KCNB2: variants seen among roughly 807,000 people sequenced by gnomAD.
KCNB2 encodes delayed rectifier potassium channel protein.
In KCNB2, 15 loss-of-function variants were observed where a neutral mutation model predicts 61.5. The ratio of observed to expected loss-of-function variants is 0.24; its 90% CI spans 0.16 to 0.38. The LOEUF (loss-of-function observed/expected upper bound fraction) is 0.38. Ranked by LOEUF, KCNB2 falls within the 10% of genes least tolerant of loss-of-function variation. The probability of loss-of-function intolerance (pLI) is 1.00; values close to 1 mark genes in which losing one functional copy is unlikely to be tolerated. For missense variants in KCNB2, 828 were observed against 1,125.2 expected, an observed-to-expected ratio of 0.74 and a Z score of 3.78; for synonymous variants, 457 against 446.0, an observed-to-expected ratio of 1.02 and a Z score of -0.31.
At chr8:72,797,059 G>GTTATA (rs1157028914) in intron 2 of KCNB2, among the ~76,000 whole-genome samples, 3 of 152,054 alleles carry the variant, frequency 2.0e-5, no homozygotes, top group Non-Finnish European at 4.4e-5. Flanking sequence ...ACCTCTCCAG[G>GTTATA]TCAATAACGA....
rs58157589 is a variant in KCNB2, at chr8:72,714,558, T to C, written c.579+146245T>C. On this transcript the variant is annotated intron_variant, in intron 2 of 2. Coordinates refer to ENST00000523207, the MANE Select transcript of KCNB2 (RefSeq NM_004770.3). ...ACCCAGAATTTCATATCCAGCCAAA[T>C]TAAGCTTCATAAGTGAAGGAGAAAT... Among the ~76,000 whole-genome samples the C allele has an allele frequency of 2.1e-3, 315 of 152,068 alleles. 1 individual carries two copies. Among genetic ancestry groups the C allele is most frequent in the African/African-American group, 7.2e-3 (299 of 41,468 alleles).
intron 2 of KCNB2, among the ~76,000 whole-genome samples, chr8:72,631,255 A>C (rs948591661): frequency 3.2e-4 from 49 of 152,286 alleles, no homozygotes; most frequent in Admixed American, 8.5e-4. Context: ...TAAGAGCCTT[A>C]AGCAACAGAA....
chr8:72,689,937 G>A lies in KCNB2; in HGVS notation c.579+121624G>A, dbSNP rs1383217896. On this transcript the variant is annotated intron_variant, in intron 2 of 2. Coordinates refer to ENST00000523207, the MANE Select transcript of KCNB2 (RefSeq NM_004770.3). ...TATTTTACATTCGGTGACTAGACTG[G>A]GGCCTAATTTCTTTTATTTGTGATG... Among the ~76,000 whole-genome samples the A allele has an allele frequency of 5.3e-4, 80 of 151,700 alleles. 1 individual carries two copies. The highest frequency in any genetic ancestry group is 1.0e-4 in the Non-Finnish European group (7 of 67,974).
At chr8:72,870,894 T>C (rs1312086296) in intron 2 of KCNB2, among the ~76,000 whole-genome samples, 1 of 152,162 alleles carries the variant, frequency 6.6e-6, no homozygotes, top group East Asian at 1.9e-4. Flanking sequence ...AGAGGATCAC[T>C]TGAGCCTGGA....
chr8:72,843,818 G>T (rs900441459), intron 2 of KCNB2, among the ~76,000 whole-genome samples: 2 of 151,986 alleles, frequency 1.3e-5, no homozygotes, highest in Middle Eastern at 3.2e-3. Flanking sequence ...TTTATTTTGA[G>T]CCTATGTATG....
At chr8:72,858,484 C>T (rs1810242275) in intron 2 of KCNB2, among the ~76,000 whole-genome samples, 1 of 152,158 alleles carries the variant, frequency 6.6e-6, no homozygotes, top group South Asian at 2.1e-4. Context: ...TAATGTACAA[C>T]TTAGCCATTT....
intron 2 of KCNB2, among the ~76,000 whole-genome samples, chr8:72,829,539 G>A (rs772607217): frequency 3.3e-5 from 5 of 152,110 alleles, no homozygotes; most frequent in South Asian, 2.1e-4. Flanking sequence ...ATATTTTCTC[G>A]TAAGTTCTCA....
Position 72,644,759 on chromosome 8 carries a change from C to T in KCNB2, c.579+76446C>T, listed in dbSNP as rs186542572. 8.5e-5 allele frequency among the ~76,000 whole-genome samples: 13 copies of T among 152,260 alleles called. No individual in the cohort carries two copies. In the East Asian group the frequency reaches 2.3e-3, roughly 27 times the overall value. ...CCTGTGCCAGGTAGTTACTGAACTG[C>T]TCATGTACTTTATCTCATTTAGTCC... is the stretch of plus-strand genomic sequence containing the variant. On this transcript the variant is annotated intron_variant, in intron 2 of 2. Coordinates refer to ENST00000523207, the MANE Select transcript of KCNB2 (RefSeq NM_004770.3).
At chr8:72,686,556 A>C (rs1806856830) in intron 2 of KCNB2, among the ~76,000 whole-genome samples, 1 of 152,148 alleles carries the variant, frequency 6.6e-6, no homozygotes, top group African/African-American at 2.4e-5. Flanking sequence ...AAAGAGAAGC[A>C]AAGCTACAGG....
intron 2 of KCNB2, among the ~76,000 whole-genome samples, chr8:72,691,795 T>C (rs1806943875): frequency 6.6e-6 from 1 of 152,192 alleles, no homozygotes; most frequent in Non-Finnish European, 1.5e-5. Flanking sequence ...AATATTTCCA[T>C]GTGAGATGAT....
chr8:72,558,658 T>C (rs1806464409), intron 1 of KCNB2, among the ~76,000 whole-genome samples: 1 of 152,170 alleles, frequency 6.6e-6, no homozygotes, highest in African/African-American at 2.4e-5. Context: ...CTAATATTTA[T>C]TGCACGTCAC....
chr8:72,914,036 T>G (rs1806347966), intron 2 of KCNB2, among the ~76,000 whole-genome samples: 1 of 152,190 alleles, frequency 6.6e-6, no homozygotes, highest in African/African-American at 2.4e-5. Flanking sequence ...GACAGAAATT[T>G]ATTTCTCACA....
chr8:72,721,675 C>T (rs1000076033), intron 2 of KCNB2, among the ~76,000 whole-genome samples: 8 of 152,190 alleles, frequency 5.3e-5, no homozygotes, highest in Non-Finnish European at 7.3e-5. Context: ...AGACCCCACC[C>T]TGCACCATCA....
intron 2 of KCNB2, among the ~76,000 whole-genome samples, chr8:72,849,506 T>C (rs577002933): frequency 6.6e-6 from 1 of 152,200 alleles, no homozygotes; most frequent in African/African-American, 2.4e-5. Flanking sequence ...TTTCTAATGC[T>C]AAGCACACAT....
At chr8:72,572,979 C>T (rs1379809702) in intron 2 of KCNB2, among the ~76,000 whole-genome samples, 3 of 152,100 alleles carry the variant, frequency 2.0e-5, no homozygotes, top group Non-Finnish European at 4.4e-5. Context: ...TGGATCAAGT[C>T]GGGAGCTGCT....
At chr8:72,628,686 C>T (rs571407863) in intron 2 of KCNB2, among the ~76,000 whole-genome samples, 96 of 152,288 alleles carry the variant, frequency 6.3e-4, no homozygotes, top group Non-Finnish European at 1.0e-3. Flanking sequence ...GGGAAAGCAG[C>T]TTCCAGCATG....
chr8:72,835,640 G>T lies in KCNB2; in HGVS notation c.580-100295G>T, dbSNP rs562839763. ...TGTGTAATTTGTAAGGACCCCAGGG[G>T]TGTAAGCAAACTAGAAAGTACAAAT... On this transcript the variant is annotated intron_variant, in intron 2 of 2. Coordinates refer to ENST00000523207, the MANE Select transcript of KCNB2 (RefSeq NM_004770.3). Among the ~76,000 whole-genome samples the T allele has an allele frequency of 6.4e-4, 97 of 152,290 alleles. 1 individual carries two copies. The highest frequency in any genetic ancestry group is 2.2e-3 in the African/African-American group (92 of 41,570).
intron 2 of KCNB2, among the ~76,000 whole-genome samples, chr8:72,625,147 G>A (rs1805770461): frequency 6.6e-6 from 1 of 152,174 alleles, no homozygotes; most frequent in Non-Finnish European, 1.5e-5. Flanking sequence ...CAGAAGCTGT[G>A]AGATGCCAGG....
intron 2 of KCNB2, among the ~76,000 whole-genome samples, chr8:72,605,439 G>A (rs972716050): frequency 1.3e-5 from 2 of 152,012 alleles, no homozygotes; most frequent in African/African-American, 4.8e-5. Context: ...TTAACTACGG[G>A]GAAAACCATT....
Sources: allele counts gnomAD v4.1 joint callset (sites outside exome capture counted in the v4.1 genomes callset), GRCh38; gene constraint gnomAD v4.1.1; transcripts MANE v1.5; gene names NCBI Gene and HGNC (gene_info 2026-07-23, HGNC 2026-07-21).